Variants in SMC1B observed in about 807,000 individuals in gnomAD.
SMC1B encodes structural maintenance of chromosomes protein 1B.
SMC1B carries 60 observed loss-of-function variants against 157.9 expected under a neutral mutation model. The observed-to-expected ratio is 0.38, with a 90% CI of 0.31 to 0.47. SMC1B has a LOEUF of 0.47. Among genes scored for constraint, SMC1B ranks in the 20% least tolerant of loss-of-function variants. The pLI, the probability that SMC1B is intolerant of heterozygous loss-of-function variation, is 0.99. For synonymous variants in SMC1B, 445 were observed against 483.0 expected (o/e 0.92, Z 1.03); for missense variants, 1,165 against 1,426.2 (o/e 0.82, Z 2.95).
At chr22:45,383,862 G>T (rs1017028742) in intron 11 of SMC1B, among the ~76,000 whole-genome samples, 1 of 152,040 alleles carries the variant, frequency 6.6e-6, no homozygotes. Context: ...ATCAATATCC[G>T]GGTTGGTTCC....
chr22:45,405,981 TAC>T (rs1408389449), intron 4 of SMC1B, among the ~76,000 whole-genome samples: 1 of 152,194 alleles, frequency 6.6e-6, no homozygotes. Flanking sequence ...TTGTGGAAAA[TAC>T]AGTTATCTTT....
chr22:45,401,996 G>A (rs2146846199), intron 5 of SMC1B, among the ~76,000 whole-genome samples: 1 of 151,988 alleles, frequency 6.6e-6, no homozygotes, highest in Admixed American at 6.6e-5. Context: ...CCATTCTCCT[G>A]CCTCAGCCTC....
In SMC1B at chr22:45,386,385, T is replaced by C. The variant is rs551597473; in HGVS notation, c.1911+482A>G. Among the ~76,000 whole-genome samples the C allele has an allele frequency of 5.6e-5, 8 of 141,626 alleles. No homozygotes were observed. In the East Asian group the frequency reaches 1.6e-3, roughly 28 times the overall value. 92.9% of individuals were successfully genotyped at this position (141,626 alleles called of 152,430 possible). On this transcript the variant is annotated intron_variant, in intron 11 of 24. Transcript: ENST00000357450. Reference sequence around the variant, plus strand: ...CAAAATTATTCCCTCAAGATACTTGTATTTAGTAATCTCATTTCAATTGTG... The same window carrying C: ...CAAAATTATTCCCTCAAGATACTTGCATTTAGTAATCTCATTTCAATTGTG...
chr22:45,394,722 GT>G lies in SMC1B; in HGVS notation c.1299del (p.Lys433AsnfsTer3). ...QIKEQIEDHKKRIEKLEEYTK... is the reference protein window; with the variant it reads ...QIKEQIEDHKXRIEKLEEYTK... ...GTATACTCCTCTAACTTCTCTATTCGTTTTTTATGATCTTCTATTTGTTCTT... is the reference window on the plus strand; with the variant it reads ...GTATACTCCTCTAACTTCTCTATTCGTTTTTATGATCTTCTATTTGTTCTT... On this transcript the variant is annotated frameshift_variant, in exon 8 of 25. Coordinates refer to ENST00000357450, the MANE Select transcript of SMC1B (RefSeq NM_148674.5). LOFTEE classifies it high-confidence loss of function. 5 of 1,561,256 alleles carry G rather than the reference GT, an allele frequency of 3.2e-6. No individual in the cohort carries two copies. Among genetic ancestry groups the G allele is most frequent in the Admixed American group, 1.8e-5 (1 of 54,990 alleles).
chr22:45,355,150 G>T (rs749947359), intron 19 of SMC1B, 35 bp from the exon 20 acceptor site: 9 of 1,611,770 alleles, frequency 5.6e-6, no homozygotes, highest in Non-Finnish European at 7.6e-6. Flanking sequence ...GACTGGCATG[G>T]CATGTCTTTT....
chr22:45,374,623 T>C (rs2146801177), intron 12 of SMC1B, among the ~76,000 whole-genome samples: 1 of 152,354 alleles, frequency 6.6e-6, no homozygotes, highest in South Asian at 2.1e-4. Context: ...CCTTCTTTTT[T>C]CCCCATTTTT....
At chr22:45,351,738 C>T (rs971577829) in intron 22 of SMC1B, among the ~76,000 whole-genome samples, 1 of 152,116 alleles carries the variant, frequency 6.6e-6, no homozygotes, top group African/African-American at 2.4e-5. Context: ...TCTGTAGACA[C>T]GGGGTCTCAC....
chr22:45,388,253 A>C (rs972360314), intron 10 of SMC1B, among the ~76,000 whole-genome samples: 1 of 152,182 alleles, frequency 6.6e-6, no homozygotes, highest in East Asian at 1.9e-4. Flanking sequence ...GTGTGTGTGT[A>C]TGTGTGTGTA....
At chr22:45,404,101 C>G (rs563360531) in intron 4 of SMC1B, among the ~76,000 whole-genome samples, 1 of 152,242 alleles carries the variant, frequency 6.6e-6, no homozygotes, top group Non-Finnish European at 1.5e-5. Flanking sequence ...GCCACCACGC[C>G]CAGCTAATTT....
At chr22:45,374,797 A>G (rs751058144) in intron 12 of SMC1B, among the ~76,000 whole-genome samples, 2 of 152,168 alleles carry the variant, frequency 1.3e-5, no homozygotes, top group Admixed American at 1.3e-4. Flanking sequence ...AATGTGGCCT[A>G]TATCGATTTT....
rs199936566 is a variant in SMC1B at position 45,413,463 on chromosome 22, G to A, written c.105C>T (p.Gly35=). The A allele has an allele frequency of 9.3e-6, 15 of 1,605,934 alleles. No homozygotes were observed. The highest frequency in any genetic ancestry group is 1.3e-5 in the African/African-American group (1 of 74,882). ...CGCCCTGAGCTGCTCAGTTACCAGA[G>A]CCGTTGGGGCCGATGATGCAGGTGA... ...RRFTCIIGPN[G]SGKSNVMDAL... is the part of the protein sequence containing the mutation. The change falls in exon 1 of 25, where the codon GGC becomes GGT. Residue 35 remains glycine, a synonymous_variant. Coordinates refer to ENST00000357450, the MANE Select transcript of SMC1B (RefSeq NM_148674.5).
chr22:45,361,121 G>T (rs748634913), intron 17 of SMC1B, among the ~76,000 whole-genome samples: 10 of 152,130 alleles, frequency 6.6e-5, no homozygotes, highest in Non-Finnish European at 1.2e-4. Context: ...TACTGATGAG[G>T]AAATTAAGGT....
chr22:45,353,882 T>C, intron 21 of SMC1B, 96 bp downstream of exon 21: 1 of 873,910 alleles, frequency 1.1e-6, no homozygotes, highest in Non-Finnish European at 1.6e-6. Context: ...GTGGCAGTGG[T>C]TATTTCCCAC....
chr22:45,391,911 C>T (rs1301282277), intron 9 of SMC1B, among the ~76,000 whole-genome samples: 1 of 152,104 alleles, frequency 6.6e-6, no homozygotes. Context: ...GTCTTCACTT[C>T]CATTAGAGAG....
Position 45,404,262 on chromosome 22 carries a change from A to G in SMC1B, c.616-1691T>C, listed in dbSNP as rs987568757. 1.5e-4 allele frequency among the ~76,000 whole-genome samples: 23 copies of G among 152,042 alleles called. 1 individual carries two copies. The highest frequency in any genetic ancestry group is 3.4e-3 in the Middle Eastern group (1 of 294). ...TGGCCAGAGGGGTTTTATTCACCCT[A>G]TATCATATAGCTTACTTTCCAACCT... is the stretch of plus-strand genomic sequence containing the variant. On this transcript the variant is annotated intron_variant, in intron 4 of 24. Coordinates refer to ENST00000357450, the MANE Select transcript of SMC1B (RefSeq NM_148674.5).
intron 9 of SMC1B, among the ~76,000 whole-genome samples, chr22:45,392,271 GA>G (rs1419455426): frequency 6.6e-6 from 1 of 152,114 alleles, no homozygotes; most frequent in African/African-American, 2.4e-5. Context: ...GTTAGAAGAG[GA>G]AAAGGAAACA....
At chr22:45,392,039 C>T (rs537720959) in intron 9 of SMC1B, among the ~76,000 whole-genome samples, 7 of 152,180 alleles carry the variant, frequency 4.6e-5, no homozygotes, top group South Asian at 4.1e-4. Context: ...CTCTGCCTCC[C>T]GGGTTCAAGC....
At position 45,376,716 on chromosome 22, in the gene SMC1B, G is replaced by GTT. The variant is rs77842489; in HGVS notation, c.2059-4426_2059-4425dup. On this transcript the variant is annotated intron_variant, in intron 12 of 24. Coordinates refer to ENST00000357450, the MANE Select transcript of SMC1B (RefSeq NM_148674.5). The stretch of plus-strand genomic sequence containing the variant: ...GTAGATCACAGTGGCATTAAATATA[G>GTT]TTTTTTTTTTCCTCACACAAAACTA... 1.1e-4 allele frequency among the ~76,000 whole-genome samples: 11 copies of GTT among 99,050 alleles called. No individual in the cohort carries two copies. The East Asian group carries it at 1.8e-3, about 17-fold the overall frequency. 65.0% of individuals were successfully genotyped at this position (99,050 alleles called of 152,430 possible). A position where few individuals can be genotyped will look rare whatever the true frequency, so the allele number is the denominator to read the frequency against.
intron 19 of SMC1B, 110 bp downstream of exon 19, chr22:45,358,587 G>T: frequency 4.6e-6 from 3 of 654,792 alleles, no homozygotes; most frequent in East Asian, 2.8e-5. Flanking sequence ...AAACCATTAG[G>T]AAATCTTTTA....
Sources: gnomAD v4.1 joint callset for allele counts (sites outside exome capture counted in the v4.1 genomes callset) on GRCh38, gnomAD v4.1.1 for gene constraint, MANE v1.5 for transcripts, NCBI Gene and HGNC (gene_info 2026-07-23, HGNC 2026-07-21) for gene names.